The following PACRG variants were observed in gnomAD, a reference collection of about 807,000 sequenced individuals.
PACRG encodes parkin coregulated gene protein.
Under a neutral mutation model 29.7 loss-of-function variants are expected in PACRG, and 29 were observed. The ratio of observed to expected loss-of-function variants is 0.98; its 90% CI spans 0.73 to 1.33. The LOEUF (loss-of-function observed/expected upper bound fraction) is 1.33, where lower values mean the gene tolerates loss of function less well. Among genes scored for constraint, PACRG ranks in the 40% most tolerant of loss-of-function variants. The probability of loss-of-function intolerance (pLI) is 0.00; values close to 1 mark genes in which losing one functional copy is unlikely to be tolerated. For synonymous variants in PACRG, 116 were observed against 118.7 expected (o/e 0.98, Z 0.15); for missense variants, 279 against 316.2 (o/e 0.88, Z 0.89).
intron 1 of PACRG, among the ~76,000 whole-genome samples, chr6:162,736,447 C>T (rs1470453626): frequency 6.6e-6 from 1 of 151,880 alleles, no homozygotes; most frequent in Non-Finnish European, 1.5e-5. Flanking sequence ...AAGATAGCTG[C>T]GTTTTTGTAG....
chr6:162,949,352 A>G (rs1317684366), intron 2 of PACRG, among the ~76,000 whole-genome samples: 56 of 152,170 alleles, frequency 3.7e-4, no homozygotes, highest in Admixed American at 3.7e-3. Flanking sequence ...GAGACTGGGA[A>G]GGATGTGCAG....
intron 1 of PACRG, among the ~76,000 whole-genome samples, chr6:162,785,203 G>GAGAGAGA (rs1784375481): frequency 6.8e-4 from 86 of 127,192 alleles, no homozygotes; most frequent in African/African-American, 2.6e-3. Flanking sequence ...AGAGAGAGAG[G>GAGAGAGA]GAGAGAAAGG....
rs1382839658 is a variant in PACRG at position 162,905,651 on chromosome 6, G to A, written c.291+91370G>A. On this transcript the variant is annotated intron_variant, in intron 2 of 4. Coordinates refer to ENST00000366888, the MANE Select transcript of PACRG (RefSeq NM_001080379.2). ...AGACAGGGAAAAAGAACACTTTAATGTAATAAACATTTCCATCTTTTCACT... is the reference window on the plus strand; with the variant it reads ...AGACAGGGAAAAAGAACACTTTAATATAATAAACATTTCCATCTTTTCACT... Among the ~76,000 whole-genome samples, 3 of 152,160 alleles carry A rather than the reference G, an allele frequency of 2.0e-5. No homozygotes were observed. The South Asian group carries it at 6.2e-4, about 32-fold the overall frequency.
At chr6:162,801,575 A>G (rs1394047117) in intron 1 of PACRG, among the ~76,000 whole-genome samples, 1 of 152,124 alleles carries the variant, frequency 6.6e-6, no homozygotes, top group Non-Finnish European at 1.5e-5. Flanking sequence ...TTTGGTTTTT[A>G]TTTATGTTCA....
At chr6:162,860,258 A>G (rs1399614246) in intron 2 of PACRG, among the ~76,000 whole-genome samples, 1 of 152,244 alleles carries the variant, frequency 6.6e-6, no homozygotes, top group African/African-American at 2.4e-5. Context: ...TTGTATCTAT[A>G]GAGCTGTGCA....
At chr6:162,876,083 C>T (rs1793325292) in intron 2 of PACRG, among the ~76,000 whole-genome samples, 1 of 152,160 alleles carries the variant, frequency 6.6e-6, no homozygotes, top group African/African-American at 2.4e-5. Flanking sequence ...ATGCATGCTT[C>T]CCGGGTATCA....
intron 1 of PACRG, among the ~76,000 whole-genome samples, chr6:162,806,180 C>T (rs1372499535): frequency 6.6e-6 from 1 of 151,406 alleles, no homozygotes; most frequent in Non-Finnish European, 1.5e-5. Flanking sequence ...ACAATCTCAG[C>T]TTACTGCAAC....
intron 2 of PACRG, among the ~76,000 whole-genome samples, chr6:162,946,743 A>G (rs1299483409): frequency 1.3e-5 from 2 of 152,248 alleles, no homozygotes; most frequent in Middle Eastern, 3.4e-3. Context: ...ATACTAGCAA[A>G]CCAAATTCAA....
chr6:163,265,421 C>T (rs1783494846), intron 4 of PACRG, among the ~76,000 whole-genome samples: 1 of 152,062 alleles, frequency 6.6e-6, no homozygotes, highest in East Asian at 1.9e-4. Flanking sequence ...ACTCTTCGGG[C>T]CCGTGGGTAT....
At chr6:163,087,713 A>G (rs61302670) in intron 3 of PACRG, among the ~76,000 whole-genome samples, 42,318 of 149,378 alleles carry the variant, frequency 0.28, 6,334 homozygotes, top group East Asian at 0.57. Flanking sequence ...GATGGAAACC[A>G]GGACTGGAGC....
In PACRG at chr6:163,286,896, A is replaced by T. The variant is rs79008057; in HGVS notation, c.614-27931A>T. ...TGTACACGTGTAGATGTATGTGCAT[A>T]TATGTAGGTGTGTATTTGTATATGG... On this transcript the variant is annotated intron_variant, in intron 4 of 4. Transcript: ENST00000366888. 1.9e-3 allele frequency among the ~76,000 whole-genome samples: 284 copies of T among 152,000 alleles called. 1 individual carries two copies. Among genetic ancestry groups the T allele is most frequent in the African/African-American group, 6.6e-3 (275 of 41,448 alleles).
At chr6:162,879,972 A>T (rs1793696939) in intron 2 of PACRG, among the ~76,000 whole-genome samples, 1 of 152,234 alleles carries the variant, frequency 6.6e-6, no homozygotes, top group African/African-American at 2.4e-5. Context: ...AGCACCTGGC[A>T]TGTGGTAAGT....
At chr6:162,763,007 A>T (rs1362038762) in intron 1 of PACRG, among the ~76,000 whole-genome samples, 1 of 152,236 alleles carries the variant, frequency 6.6e-6, no homozygotes, top group African/African-American at 2.4e-5. Flanking sequence ...CACGTGGGTT[A>T]TGTTTGCATG....
At chr6:163,233,098 C>T (rs185754677) in intron 4 of PACRG, among the ~76,000 whole-genome samples, 26 of 152,380 alleles carry the variant, frequency 1.7e-4, no homozygotes, top group Admixed American at 7.8e-4. Flanking sequence ...TGTTACAGAA[C>T]ACGCTCAGCA....
intron 1 of PACRG, among the ~76,000 whole-genome samples, chr6:162,801,461 C>T (rs530178241): frequency 6.6e-6 from 1 of 151,190 alleles, no homozygotes; most frequent in African/African-American, 2.5e-5. Flanking sequence ...TTTCTCATAG[C>T]ACCGATTAGA....
intron 1 of PACRG, among the ~76,000 whole-genome samples, chr6:162,799,611 A>G (rs939028240): frequency 2.0e-5 from 3 of 151,994 alleles, no homozygotes; most frequent in Non-Finnish European, 4.4e-5. Flanking sequence ...AGCCAGTGCG[A>G]TGATGGGAAA....
intron 2 of PACRG, among the ~76,000 whole-genome samples, chr6:162,956,255 A>G (rs1239102085): frequency 1.3e-5 from 2 of 152,194 alleles, no homozygotes; most frequent in South Asian, 4.1e-4. Flanking sequence ...ACAGACTTGC[A>G]TCCTGATGCA....
At chr6:163,049,710 T>C (rs1383179980) in intron 2 of PACRG, among the ~76,000 whole-genome samples, 3 of 152,040 alleles carry the variant, frequency 2.0e-5, no homozygotes, top group African/African-American at 4.8e-5. Context: ...ATTATTCTCA[T>C]AGTAAGAGAA....
At position 162,728,248 on chromosome 6, in the gene PACRG, A is replaced by G; in HGVS notation, c.13A>G (p.Lys5Glu). The change falls in exon 1 of 5, where the codon AAA becomes GAA. Residue 5 changes from lysine (K) to glutamate (E), a missense_variant. Lys to Glu is a moderately conservative substitution (Grantham distance 56, BLOSUM62 1). Transcript: ENST00000366888. MVAEKETLSLNKCPD... is the reference protein window; with the variant it reads MVAEEETLSLNKCPD... ...ATTTTCTAGGAAGATGGTGGCAGAAAAAGAGACCCTGAGCTTAAACAAATG... is the reference window on the plus strand; with the variant it reads ...ATTTTCTAGGAAGATGGTGGCAGAAGAAGAGACCCTGAGCTTAAACAAATG... 1 of 1,613,586 alleles carries G rather than the reference A, an allele frequency of 6.2e-7. No individual in the cohort carries two copies. The highest frequency in any genetic ancestry group is 8.5e-7 in the Non-Finnish European group (1 of 1,179,866).
Sources: allele counts gnomAD v4.1 joint callset (sites outside exome capture counted in the v4.1 genomes callset), GRCh38; gene constraint gnomAD v4.1.1; transcripts MANE v1.5; gene names NCBI Gene and HGNC (gene_info 2026-07-23, HGNC 2026-07-21).